MITF: variants seen among roughly 807,000 people sequenced by gnomAD.
The protein encoded by MITF is melanocyte inducing transcription factor, also known as microphthalmia-associated transcription factor.
Under a neutral mutation model 60.5 loss-of-function variants are expected in MITF, and 17 were observed. The observed-to-expected ratio is 0.28, with a 90% confidence interval of 0.19 to 0.42. MITF has a LOEUF of 0.42. Ranked by LOEUF, MITF falls within the 10% of genes least tolerant of loss-of-function variation. MITF has a pLI of 1.00. For synonymous variants in MITF, 260 were observed against 248.5 expected (o/e 1.05, Z -0.43); for missense variants, 622 against 683.5 (o/e 0.91, Z 1.00).
intron 1 of MITF, among the ~76,000 whole-genome samples, chr3:69,825,809 C>T (rs1390527465): frequency 6.6e-6 from 1 of 152,098 alleles, no homozygotes; most frequent in African/African-American, 2.4e-5. Flanking sequence ...CAAGAGTGTC[C>T]ACCTAGTTAG....
intron 2 of MITF, among the ~76,000 whole-genome samples, chr3:69,917,057 G>A (rs1014876156): frequency 1.3e-5 from 2 of 152,164 alleles, no homozygotes; most frequent in African/African-American, 4.8e-5. Flanking sequence ...TCCAGTGCAT[G>A]ATGGGCAGCA....
At chr3:69,815,686 T>C (rs1008005279) in intron 1 of MITF, among the ~76,000 whole-genome samples, 1 of 152,182 alleles carries the variant, frequency 6.6e-6, no homozygotes, top group African/African-American at 2.4e-5. Context: ...AAAAGTTATA[T>C]GTGGATTTTT....
intron 4 of MITF, 126 bp from the exon 5 acceptor site, chr3:69,941,110 T>C (rs1047248701): frequency 3.1e-6 from 2 of 650,170 alleles, no homozygotes; most frequent in Non-Finnish European, 5.5e-6. Flanking sequence ...AAGAGGACAG[T>C]TACTTCTTAG....
intron 1 of MITF, among the ~76,000 whole-genome samples, chr3:69,825,620 A>T (rs2063342026): frequency 1.3e-5 from 2 of 152,208 alleles, no homozygotes; most frequent in Admixed American, 1.3e-4. Context: ...ATAGGGCCAT[A>T]GCAGTTGTTC....
At chr3:69,855,775 G>T (rs950103736) in intron 1 of MITF, among the ~76,000 whole-genome samples, 5 of 152,260 alleles carry the variant, frequency 3.3e-5, no homozygotes, top group Admixed American at 3.3e-4. Flanking sequence ...AGGCCAGAGT[G>T]ACCTTCACAG....
At chr3:69,956,669 T>C in intron 8 of MITF, 139 bp downstream of exon 8, 1 of 726,652 alleles carries the variant, frequency 1.4e-6, no homozygotes, top group Non-Finnish European at 2.4e-6. Flanking sequence ...TAAATTCTTC[T>C]TACACCTTTC....
intron 1 of MITF, among the ~76,000 whole-genome samples, chr3:69,824,766 G>A (rs2063328984): frequency 6.6e-6 from 1 of 152,192 alleles, no homozygotes; most frequent in African/African-American, 2.4e-5. Context: ...GTAGCCAGCA[G>A]CTTCCTTTGG....
rs1450087231 is a variant in MITF, at chr3:69,815,610, A to G, written c.105-63524A>G. 2.6e-5 allele frequency among the ~76,000 whole-genome samples: 4 copies of G among 152,162 alleles called. No individual in the cohort carries two copies. The East Asian group carries it at 7.7e-4, about 29-fold the overall frequency. ...CAAAATATGTGTTAATTGACTATTT[A>G]TATTATTGGTAAGCCTTCTGATCAA... On this transcript the variant is annotated intron_variant, in intron 1 of 9. Transcript: ENST00000352241.
At chr3:69,785,172 T>A (rs1033951639) in intron 1 of MITF, among the ~76,000 whole-genome samples, 1 of 152,138 alleles carries the variant, frequency 6.6e-6, no homozygotes, top group Non-Finnish European at 1.5e-5. Flanking sequence ...CAGGTTCTCC[T>A]GCGGGCACTT....
chr3:69,762,381 T>TA (rs2062224787), intron 1 of MITF, among the ~76,000 whole-genome samples: 1 of 152,186 alleles, frequency 6.6e-6, no homozygotes, highest in Non-Finnish European at 1.5e-5. Context: ...TTCTCATCCA[T>TA]ACCAAGAAAA....
At chr3:69,766,898 T>G (rs186979927) in intron 1 of MITF, among the ~76,000 whole-genome samples, 1 of 152,352 alleles carries the variant, frequency 6.6e-6, no homozygotes, top group African/African-American at 2.4e-5. Flanking sequence ...TACCTTCTCC[T>G]TTTGGATTTG....
chr3:69,907,781 G>A (rs1338149363), intron 2 of MITF, among the ~76,000 whole-genome samples: 2 of 152,128 alleles, frequency 1.3e-5, no homozygotes, highest in African/African-American at 2.4e-5. Flanking sequence ...GACATTTTAA[G>A]TGTATGAGGG....
intron 1 of MITF, among the ~76,000 whole-genome samples, chr3:69,781,651 G>A (rs2062566091): frequency 6.6e-6 from 1 of 152,100 alleles, no homozygotes; most frequent in South Asian, 2.1e-4. Context: ...ATTAGATTTT[G>A]ACACCCCCAA....
chr3:69,746,768 C>T (rs1703742194), intron 1 of MITF, among the ~76,000 whole-genome samples: 1 of 152,100 alleles, frequency 6.6e-6, no homozygotes, highest in Admixed American at 6.6e-5. Context: ...AGGAATTATA[C>T]CAAGGGATAA....
chr3:69,938,605 T>C, intron 3 of MITF: 2 of 1,356,646 alleles, frequency 1.5e-6, no homozygotes, highest in Non-Finnish European at 1.9e-6. Context: ...CATAATAAAA[T>C]TGCCACTGCC....
chr3:69,754,257 C>T (rs1401010564), intron 1 of MITF, among the ~76,000 whole-genome samples: 4 of 151,706 alleles, frequency 2.6e-5, no homozygotes, highest in Non-Finnish European at 4.4e-5. Context: ...CACTCTGTCA[C>T]CCAGGCTGGA....
chr3:69,929,112 G>A (rs2065657998), intron 2 of MITF, among the ~76,000 whole-genome samples: 1 of 152,180 alleles, frequency 6.6e-6, no homozygotes, highest in Non-Finnish European at 1.5e-5. Context: ...GTTTCCAGAG[G>A]TGGTCAGAAT....
intron 2 of MITF, among the ~76,000 whole-genome samples, chr3:69,929,738 A>G (rs2065675601): frequency 1.3e-5 from 2 of 152,136 alleles, no homozygotes; most frequent in South Asian, 4.1e-4. Context: ...TTGAAAATAC[A>G]CCGTCAGAGT....
chr3:69,909,934 A>T (rs571362388), intron 2 of MITF, among the ~76,000 whole-genome samples: 34 of 152,206 alleles, frequency 2.2e-4, no homozygotes, highest in Non-Finnish European at 4.4e-4. Context: ...AAATTTGCAT[A>T]AGTAGCAAGG....
Sources: gnomAD v4.1 joint callset for allele counts (sites outside exome capture counted in the v4.1 genomes callset) on GRCh38, gnomAD v4.1.1 for gene constraint, MANE v1.5 for transcripts, NCBI Gene and HGNC (gene_info 2026-07-23, HGNC 2026-07-21) for gene names.